TTC1: variants seen among roughly 807,000 people sequenced by gnomAD.
The protein encoded by TTC1 is tetratricopeptide repeat protein 1.
A neutral mutation model predicts 37.6 loss-of-function variants in TTC1; 31 were observed. That is an observed-to-expected ratio of 0.82 (90% CI 0.62 to 1.11). TTC1 has a LOEUF of 1.11. Ranked by LOEUF, TTC1 falls within the 50% of genes most tolerant of loss-of-function variation. The probability of loss-of-function intolerance (pLI) is 0.00; values close to 1 mark genes in which losing one functional copy is unlikely to be tolerated. For missense variants in TTC1, 351 were observed against 339.0 expected, an observed-to-expected ratio of 1.04 and a Z score of -0.28; for synonymous variants, 127 against 122.4, an observed-to-expected ratio of 1.04 and a Z score of -0.25.
At chr5:160,027,803 C>T (rs1156994853) in intron 2 of TTC1, among the ~76,000 whole-genome samples, 1 of 152,190 alleles carries the variant, frequency 6.6e-6, no homozygotes, top group African/African-American at 2.4e-5. Context: ...CTGGCCTCCA[C>T]TGTTCTGGTG....
At chr5:160,025,088 T>G (rs962877594) in intron 2 of TTC1, among the ~76,000 whole-genome samples, 5 of 152,316 alleles carry the variant, frequency 3.3e-5, no homozygotes, top group African/African-American at 1.2e-4. Flanking sequence ...AGTGCAGTGG[T>G]GCAATCTCAG....
Position 160,010,751 on chromosome 5 carries a change from G to C in TTC1, c.223G>C (p.Gly75Arg), listed in dbSNP as rs1405084447. 1.2e-6 allele frequency: 2 copies of C among 1,614,158 alleles called. No individual in the cohort carries two copies. The highest frequency in any genetic ancestry group is 1.3e-5 in the African/African-American group (1 of 75,048). The part of the protein sequence containing the change: ...DCSASFEEEP[G>R]ADKVENKSNE... The stretch of plus-strand genomic sequence containing the variant: ...CAGTGCCTCATTTGAGGAGGAGCCA[G>C]GAGCGGACAAGGTTGAGAACAAATC... Residue 75 changes from glycine (G) to arginine (R), a missense_variant, in exon 2 of 8, where the codon GGA (glycine) becomes CGA (arginine). By Grantham distance (125) the Gly-to-Arg change is moderately radical (BLOSUM62 -2). Coordinates refer to ENST00000231238, the MANE Select transcript of TTC1 (RefSeq NM_003314.3).
At chr5:160,034,897 G>A (rs1442446400) in intron 2 of TTC1, among the ~76,000 whole-genome samples, 1 of 152,140 alleles carries the variant, frequency 6.6e-6, no homozygotes, top group Non-Finnish European at 1.5e-5. Context: ...AACATAGAAA[G>A]CAAAGGACAT....
chr5:160,064,797 A>G, intron 7 of TTC1, 135 bp from the exon 8 acceptor site: 2 of 965,498 alleles, frequency 2.1e-6, no homozygotes, highest in South Asian at 1.7e-5. Flanking sequence ...CTTTCATCAT[A>G]TTAAAAGTAG....
intron 7 of TTC1, among the ~76,000 whole-genome samples, 189 bp downstream of exon 7, chr5:160,051,372 C>A (rs1340819223): frequency 6.6e-6 from 1 of 152,020 alleles, no homozygotes; most frequent in Non-Finnish European, 1.5e-5. Context: ...TTTTTGGAAA[C>A]CAGATTTCCT....
chr5:160,015,875 A>G (rs1285888955), intron 2 of TTC1, among the ~76,000 whole-genome samples: 1 of 152,228 alleles, frequency 6.6e-6, no homozygotes, highest in Non-Finnish European at 1.5e-5. Context: ...CTGTGGGATC[A>G]GACACTGTCT....
intron 5 of TTC1, among the ~76,000 whole-genome samples, chr5:160,047,218 G>A (rs933334027): frequency 3.3e-5 from 5 of 152,018 alleles, no homozygotes; most frequent in Admixed American, 6.6e-5. Context: ...CTTCTTGGAT[G>A]TCTGGTAGGC....
intron 2 of TTC1, among the ~76,000 whole-genome samples, chr5:160,033,374 T>A (rs1756946114): frequency 6.6e-6 from 1 of 152,360 alleles, no homozygotes; most frequent in African/African-American, 2.4e-5. Context: ...ACTTACCTTT[T>A]AGTTTCCTCA....
intron 7 of TTC1, chr5:160,063,584 C>G (rs914984016): frequency 2.0e-5 from 3 of 152,238 alleles, no homozygotes; most frequent in African/African-American, 7.2e-5. Context: ...GTGAGAAAAG[C>G]TGCTAAGAAG....
chr5:160,035,173 G>T lies in TTC1; in HGVS notation c.364G>T (p.Glu122Ter). ...RREESTRLKE[E>*]GNEQFKKGDY... ...AGAAGAGAGCACTAGACTAAAGGAG[G>T]AGGGAAATGAACAGTTTAAGAAAGG... The change falls in exon 3 of 8, where the codon GAG becomes TAG. Residue 122 changes from glutamate to a stop codon, truncating the protein, a stop_gained. Transcript: ENST00000231238. LOFTEE classifies it high-confidence loss of function. 6.2e-7 allele frequency: 1 copy of T among 1,606,650 alleles called. No individual in the cohort carries two copies. The highest frequency in any genetic ancestry group is 8.5e-7 in the Non-Finnish European group (1 of 1,177,330).
At chr5:160,018,218 C>CAG (rs1342071654) in intron 2 of TTC1, among the ~76,000 whole-genome samples, 5 of 152,320 alleles carry the variant, frequency 3.3e-5, no homozygotes, top group Non-Finnish European at 5.9e-5. Flanking sequence ...AGCCCCTTAC[C>CAG]AGACGCGAAA....
chr5:160,024,077 G>A, intron 2 of TTC1: 1 of 977,866 alleles, frequency 1.0e-6, no homozygotes, highest in Non-Finnish European at 1.6e-6. Flanking sequence ...GTAAGTGTGG[G>A]GGGATGGGCA....
chr5:160,018,477 A>C (rs1184886490), intron 2 of TTC1, among the ~76,000 whole-genome samples: 1 of 152,188 alleles, frequency 6.6e-6, no homozygotes, highest in Non-Finnish European at 1.5e-5. Context: ...ATTGCAGACA[A>C]AGAGAGCAGT....
At chr5:160,022,167 A>G (rs1756722025) in intron 2 of TTC1, among the ~76,000 whole-genome samples, 1 of 152,196 alleles carries the variant, frequency 6.6e-6, no homozygotes, top group African/African-American at 2.4e-5. Context: ...TATTTCATGC[A>G]AGTTTTTAAC....
At chr5:160,045,513 CA>C (rs1561634888) in intron 5 of TTC1, among the ~76,000 whole-genome samples, 118 of 50,308 alleles carry the variant, frequency 2.3e-3, no homozygotes, top group East Asian at 3.5e-3. Context: ...CACACACACA[CA>C]TACACACTCT....
intron 7 of TTC1, among the ~76,000 whole-genome samples, chr5:160,054,024 A>G (rs1364112713): frequency 6.6e-6 from 1 of 152,198 alleles, no homozygotes; most frequent in African/African-American, 2.4e-5. Context: ...TGATAGCATC[A>G]AGACGATCAC....
chr5:160,014,212 G>A (rs1756559073), intron 2 of TTC1, among the ~76,000 whole-genome samples: 1 of 151,542 alleles, frequency 6.6e-6, no homozygotes, highest in South Asian at 2.1e-4. Context: ...TAAAAAATTA[G>A]CCAGGCCTGG....
intron 2 of TTC1, chr5:160,023,775 T>C (rs1165265552): frequency 6.2e-7 from 1 of 1,613,346 alleles, no homozygotes; most frequent in Admixed American, 1.7e-5. Flanking sequence ...GCTGCCTTGC[T>C]GTCTTTTGAT....
At chr5:160,025,137 C>T (rs1756779016) in intron 2 of TTC1, among the ~76,000 whole-genome samples, 1 of 152,236 alleles carries the variant, frequency 6.6e-6, no homozygotes. Flanking sequence ...TGGTGATTCT[C>T]CTGCCTCAGC....
Sources: allele counts gnomAD v4.1 joint callset (sites outside exome capture counted in the v4.1 genomes callset), GRCh38; gene constraint gnomAD v4.1.1; transcripts MANE v1.5; gene names NCBI Gene and HGNC (gene_info 2026-07-23, HGNC 2026-07-21).